SGCZ: variants seen among roughly 807,000 people sequenced by gnomAD.
SGCZ encodes the protein zeta-sarcoglycan.
SGCZ carries 40 observed loss-of-function variants against 41.3 expected under a neutral mutation model. That is an observed-to-expected ratio of 0.97 (90% CI 0.75 to 1.26). The LOEUF (loss-of-function observed/expected upper bound fraction) is 1.26, where lower values mean the gene tolerates loss of function less well. SGCZ is among the 50% of genes most tolerant of loss of function. The pLI is 0.00. For synonymous variants in SGCZ, 206 were observed against 137.5 expected, an observed-to-expected ratio of 1.50 and a Z score of -3.49; for missense variants, 552 against 369.8, an observed-to-expected ratio of 1.49 and a Z score of -4.04.
chr8:14,213,876 T>G (rs951720096), intron 4 of SGCZ, among the ~76,000 whole-genome samples: 5 of 152,166 alleles, frequency 3.3e-5, no homozygotes, highest in African/African-American at 1.2e-4. Flanking sequence ...ACGTAATATA[T>G]GTACATACTA....
intron 1 of SGCZ, among the ~76,000 whole-genome samples, chr8:14,666,666 T>C (rs960936351): frequency 3.5e-5 from 5 of 141,356 alleles, no homozygotes; most frequent in Non-Finnish European, 7.5e-5. Flanking sequence ...CAAGGACATA[T>C]CTTGTTGGTA....
chr8:14,135,523 G>C (rs1329639825), intron 5 of SGCZ, among the ~76,000 whole-genome samples: 1 of 152,088 alleles, frequency 6.6e-6, no homozygotes, highest in Non-Finnish European at 1.5e-5. Flanking sequence ...GATGGGTATA[G>C]TAATCTGAAG....
intron 1 of SGCZ, among the ~76,000 whole-genome samples, chr8:14,631,587 A>T (rs1371842392): frequency 6.6e-6 from 1 of 152,170 alleles, no homozygotes; most frequent in Non-Finnish European, 1.5e-5. Context: ...TGAGGAAAGC[A>T]GAAAGACACT....
intron 3 of SGCZ, among the ~76,000 whole-genome samples, chr8:14,286,493 C>T (rs13272875): frequency 0.034 from 5,218 of 152,112 alleles, 135 homozygotes; most frequent in Admixed American, 0.071. Flanking sequence ...TTTTCTAAAG[C>T]GTGTTGAAGA....
intron 1 of SGCZ, among the ~76,000 whole-genome samples, chr8:15,163,126 T>C (rs28709798): frequency 0.015 from 2,216 of 152,340 alleles, 55 homozygotes; most frequent in African/African-American, 0.045. Context: ...TGGGATTCTG[T>C]ACGTAACAGT....
intron 1 of SGCZ, among the ~76,000 whole-genome samples, chr8:14,604,516 T>C (rs144633981): frequency 3.0e-4 from 46 of 152,260 alleles, no homozygotes; most frequent in Middle Eastern, 3.4e-3. Flanking sequence ...TCATATCAGG[T>C]ACAATAAACT....
chr8:14,444,146 A>C (rs1298726655), intron 2 of SGCZ, among the ~76,000 whole-genome samples: 2 of 152,280 alleles, frequency 1.3e-5, no homozygotes, highest in East Asian at 1.9e-4. Context: ...GGCGATCATT[A>C]AAAAGTCAGG....
At chr8:14,738,070 G>T (rs908755000) in intron 1 of SGCZ, among the ~76,000 whole-genome samples, 2 of 152,096 alleles carry the variant, frequency 1.3e-5, no homozygotes, top group African/African-American at 4.8e-5. Flanking sequence ...TCGCACTTTA[G>T]TCTCCATACT....
chr8:14,584,845 A>G (rs1477908303), intron 1 of SGCZ, among the ~76,000 whole-genome samples: 1 of 152,120 alleles, frequency 6.6e-6, no homozygotes, highest in Non-Finnish European at 1.5e-5. Flanking sequence ...AATGACAGAG[A>G]TAAGTACTAT....
At chr8:14,930,832 G>C (rs1025303930) in intron 1 of SGCZ, among the ~76,000 whole-genome samples, 1 of 151,870 alleles carries the variant, frequency 6.6e-6, no homozygotes. Context: ...CTTGTCAGAG[G>C]GGTGAGGGGC....
At chr8:14,288,436 T>C (rs1225726685) in intron 3 of SGCZ, among the ~76,000 whole-genome samples, 1 of 152,078 alleles carries the variant, frequency 6.6e-6, no homozygotes, top group African/African-American at 2.4e-5. Flanking sequence ...TCACTCCCCA[T>C]GTCTCCCTAC....
intron 1 of SGCZ, among the ~76,000 whole-genome samples, chr8:14,907,333 T>C (rs1291751508): frequency 6.6e-6 from 1 of 152,136 alleles, no homozygotes; most frequent in African/African-American, 2.4e-5. Context: ...TAGCTGGGAC[T>C]ACAGGCACAC....
intron 1 of SGCZ, among the ~76,000 whole-genome samples, chr8:14,804,725 A>G (rs1280186528): frequency 8.0e-5 from 9 of 112,556 alleles, no homozygotes; most frequent in South Asian, 3.6e-4. Flanking sequence ...GGAAATACAG[A>G]GAACGCCACA....
intron 1 of SGCZ, among the ~76,000 whole-genome samples, chr8:15,049,860 A>G (rs1175673749): frequency 6.6e-6 from 1 of 152,120 alleles, no homozygotes; most frequent in East Asian, 1.9e-4. Context: ...CTCCTGCACA[A>G]GCTGTCTTGC....
rs182059386 is a variant in SGCZ at position 14,662,615 on chromosome 8, G to C, written c.40-107689C>G. ...GGGTCCCTGTGTTAGGCTAAATAATGGTCCTCCAAAGAAGTCTATGAACTA... is the reference window on the plus strand; with the variant it reads ...GGGTCCCTGTGTTAGGCTAAATAATCGTCCTCCAAAGAAGTCTATGAACTA... On this transcript the variant is annotated intron_variant, in intron 1 of 7. Coordinates refer to ENST00000382080, the MANE Select transcript of SGCZ (RefSeq NM_139167.4). Among the ~76,000 whole-genome samples the C allele has an allele frequency of 3.9e-5, 6 of 152,108 alleles. No individual in the cohort carries two copies. In the East Asian group the frequency reaches 1.2e-3, roughly 29 times the overall value.
chr8:14,559,648 T>A (rs1804148229), intron 1 of SGCZ, among the ~76,000 whole-genome samples: 1 of 152,110 alleles, frequency 6.6e-6, no homozygotes, highest in South Asian at 2.1e-4. Context: ...TTACTGTAAT[T>A]TCAAACTGCA....
At chr8:14,820,241 C>A (rs1179081480) in intron 1 of SGCZ, among the ~76,000 whole-genome samples, 7 of 151,940 alleles carry the variant, frequency 4.6e-5, no homozygotes. Context: ...TACTTATAAA[C>A]AGACTTTAAG....
intron 1 of SGCZ, among the ~76,000 whole-genome samples, chr8:15,088,830 CTCACATGGCCTTTGCA>C (rs1806046479): frequency 6.6e-6 from 1 of 152,142 alleles, no homozygotes; most frequent in Admixed American, 6.6e-5. Context: ...ATAGGCCCAA[CTCACATGGCCTTTGCA>C]CCACAATTGC....
intron 2 of SGCZ, among the ~76,000 whole-genome samples, chr8:14,420,883 T>A (rs1563318004): frequency 2.0e-5 from 3 of 152,164 alleles, no homozygotes; most frequent in Admixed American, 6.6e-5. Context: ...TGCTTTATAT[T>A]TGTATGCAGT....
Sources: gnomAD v4.1 joint callset for allele counts (sites outside exome capture counted in the v4.1 genomes callset) on GRCh38, gnomAD v4.1.1 for gene constraint, MANE v1.5 for transcripts, NCBI Gene and HGNC (gene_info 2026-07-23, HGNC 2026-07-21) for gene names.